FXYD7: variants seen among roughly 807,000 people sequenced by gnomAD.
FXYD7 encodes the protein FXYD domain-containing ion transport regulator 7.
In FXYD7, 7 loss-of-function variants were observed where a neutral mutation model predicts 15.3. That is an observed-to-expected ratio of 0.46 (90% CI 0.26 to 0.86). The LOEUF (loss-of-function observed/expected upper bound fraction) is 0.86. Among genes scored for constraint, FXYD7 ranks in the 40% least tolerant of loss-of-function variants. FXYD7 has a pLI of 0.16. For missense variants in FXYD7, 78 were observed against 100.6 expected (o/e 0.78, Z 0.96); for synonymous variants, 39 against 39.3 (o/e 0.99, Z 0.03).
intron 2 of FXYD7, among the ~76,000 whole-genome samples, chr19:35,150,392 C>T (rs189478682): frequency 1.6e-4 from 24 of 151,772 alleles, no homozygotes; most frequent in Non-Finnish European, 2.9e-4. Context: ...AGTGACACTA[C>T]ATCTCTTAAA....
rs769797236 is a variant in FXYD7, at chr19:35,148,713, A to G, written c.51A>G (p.Pro17=). 9 of 1,587,302 alleles carry G rather than the reference A, an allele frequency of 5.7e-6. No individual in the cohort carries two copies. The East Asian group carries it at 2.0e-4, about 36-fold the overall frequency. Residue 17 remains proline (P), a synonymous_variant, in exon 2 of 6, where the codon CCA becomes CCG. Coordinates refer to ENST00000270310, the MANE Select transcript of FXYD7 (RefSeq NM_022006.2). ...TPTKAPEEPD[P]FYYDYNTVQT... ...CCTCAGCTCCTGAGGAACCTGACCC[A>G]TTTTACTATGGTGAGTGTTGGATTT...
intron 1 of FXYD7, among the ~76,000 whole-genome samples, chr19:35,147,802 C>T (rs897645829): frequency 1.3e-4 from 20 of 151,656 alleles, no homozygotes; most frequent in Admixed American, 1.2e-3. Context: ...GAGACCAGCC[C>T]AGCCAACATG....
chr19:35,145,551 A>T (rs192148941), intron 1 of FXYD7, among the ~76,000 whole-genome samples: 1 of 152,286 alleles, frequency 6.6e-6, no homozygotes, highest in Non-Finnish European at 1.5e-5. Context: ...TCCTTCATTC[A>T]TTCATCCCAG....
intron 1 of FXYD7, among the ~76,000 whole-genome samples, chr19:35,144,672 G>A (rs1192157233): frequency 6.8e-6 from 1 of 148,016 alleles, no homozygotes; most frequent in African/African-American, 2.5e-5. Context: ...GAGGCTGGAA[G>A]CTACCCTAGG....
At chr19:35,150,480 G>A (rs2065305808) in intron 2 of FXYD7, among the ~76,000 whole-genome samples, 1 of 152,194 alleles carries the variant, frequency 6.6e-6, no homozygotes, top group African/African-American at 2.4e-5. Context: ...AAGGGAATGA[G>A]ATTGGAAAGT....
At chr19:35,146,295 C>T (rs1048889254) in intron 1 of FXYD7, among the ~76,000 whole-genome samples, 4 of 152,190 alleles carry the variant, frequency 2.6e-5, no homozygotes, top group Admixed American at 6.5e-5. Flanking sequence ...CACACCACCA[C>T]ACCCAGCTAA....
At chr19:35,144,057 G>A (rs932070063) in intron 1 of FXYD7, among the ~76,000 whole-genome samples, 26 of 149,218 alleles carry the variant, frequency 1.7e-4, no homozygotes, top group East Asian at 5.9e-4. Flanking sequence ...GAGAGAGAGA[G>A]AAAAAAAAAT....
intron 1 of FXYD7, among the ~76,000 whole-genome samples, chr19:35,148,067 GAA>G (rs781690968): frequency 2.2e-4 from 26 of 118,486 alleles, no homozygotes; most frequent in Non-Finnish European, 3.9e-4. Flanking sequence ...AAGAAAGAAA[GAA>G]AGAAAGAAAG....
chr19:35,150,219 T>C (rs1780768447), intron 2 of FXYD7, among the ~76,000 whole-genome samples: 2 of 152,152 alleles, frequency 1.3e-5, no homozygotes, highest in Non-Finnish European at 1.5e-5. Context: ...TGAGCCACTG[T>C]GCCCAGCTCT....
Position 35,153,998 on chromosome 19 carries a change from C to T in FXYD7, c.*82C>T, listed in dbSNP as rs891141844. 155 of 1,407,608 alleles carry T rather than the reference C, an allele frequency of 1.1e-4. No homozygotes were observed. Among genetic ancestry groups the T allele is most frequent in the Non-Finnish European group, 1.5e-4 (148 of 1,006,564 alleles). 87.2% of individuals were successfully genotyped at this position (1,407,608 alleles called of 1,614,324 possible). Reference sequence around the variant, plus strand: ...CGGGTGGAGGCGGTGGGGACCCAGCCGCGCGCCGGGAGCGCTCCCCGGAAT... The same window carrying T: ...CGGGTGGAGGCGGTGGGGACCCAGCTGCGCGCCGGGAGCGCTCCCCGGAAT... On this transcript the variant is annotated 3_prime_UTR_variant, in exon 6 of 6. Coordinates refer to ENST00000270310, the MANE Select transcript of FXYD7 (RefSeq NM_022006.2).
In FXYD7 at chr19:35,154,053, C is replaced by A. The variant is rs1210944939; in HGVS notation, c.*137C>A. On this transcript the variant is annotated 3_prime_UTR_variant, in exon 6 of 6. Coordinates refer to ENST00000270310, the MANE Select transcript of FXYD7 (RefSeq NM_022006.2). ...CGCCCCACCCACCCCAAGGCTGGAG[C>A]CGCTGCACCCTGCTGTCCCTCTCCA... 2.0e-5 allele frequency: 15 copies of A among 732,498 alleles called. No homozygotes were observed. The allele number at this position is 732,498 out of a possible 1,614,324, so 45.4% of individuals were successfully genotyped here.
Position 35,154,284 on chromosome 19 carries a change from C to G in FXYD7, c.*368C>G. On this transcript the variant is annotated 3_prime_UTR_variant, in exon 6 of 6. Transcript: ENST00000270310. ...CCATGTCTTGAGCTTAATAAATGTG[C>G]ATTTGGTTTTTTCCTCTGTTCTGTC... is the stretch of plus-strand genomic sequence containing the variant. 1 of 344,304 alleles carries G rather than the reference C, an allele frequency of 2.9e-6. No individual in the cohort carries two copies. Among genetic ancestry groups the G allele is most frequent in the South Asian group, 4.2e-5 (1 of 23,678 alleles). 21.3% of individuals were successfully genotyped at this position (344,304 alleles called of 1,614,324 possible).
chr19:35,145,181 G>A lies in FXYD7; in HGVS notation c.31+1817G>A, dbSNP rs551112795. On this transcript the variant is annotated intron_variant, in intron 1 of 5. Transcript: ENST00000270310. ...CCTCACAGGGGACCCCACCCAGCCT[G>A]GGGTGGCGGGACCTATCACCTCTCT... Among the ~76,000 whole-genome samples, 17 of 152,266 alleles carry A rather than the reference G, an allele frequency of 1.1e-4. No homozygotes were observed. The East Asian group carries it at 3.3e-3, about 29-fold the overall frequency.
At chr19:35,145,330 G>A (rs977657855) in intron 1 of FXYD7, among the ~76,000 whole-genome samples, 2 of 152,202 alleles carry the variant, frequency 1.3e-5, no homozygotes, top group African/African-American at 4.8e-5. Context: ...GCCCAGCCAC[G>A]CCTGAGGGCC....
At chr19:35,144,097 C>G (rs747139839) in intron 1 of FXYD7, among the ~76,000 whole-genome samples, 1 of 151,760 alleles carries the variant, frequency 6.6e-6, no homozygotes, top group African/African-American at 2.4e-5. Flanking sequence ...GGATTGAGAC[C>G]GCTATGGAGA....
intron 5 of FXYD7, 107 bp downstream of exon 5, chr19:35,151,780 G>T (rs973934684): frequency 3.8e-6 from 3 of 781,824 alleles, no homozygotes; most frequent in African/African-American, 3.4e-5. Context: ...GGGCGGAGGG[G>T]GGGTGGTGCC....
At position 35,143,415 on chromosome 19, in the gene FXYD7, C is replaced by T. The variant is rs1246391827; in HGVS notation, c.31+51C>T. On this transcript the variant is annotated intron_variant, in intron 1 of 5. Coordinates refer to ENST00000270310, the MANE Select transcript of FXYD7 (RefSeq NM_022006.2). The surrounding 1 kb of genome is among the most constrained non-coding windows in gnomAD (Gnocchi z 4.3). ...GCAGGGGGGCTCCGGGATCTGAGAG[C>T]CTAGGAGAGAGGGTGTCGGGAGATT... The T allele has an allele frequency of 5.9e-6, 8 of 1,361,394 alleles. No individual in the cohort carries two copies. The highest frequency in any genetic ancestry group is 7.9e-6 in the Non-Finnish European group (8 of 1,017,044). 84.3% of individuals were successfully genotyped at this position (1,361,394 alleles called of 1,614,324 possible). A position where few individuals can be genotyped will look rare whatever the true frequency, so the allele number is the denominator to read the frequency against.
intron 1 of FXYD7, among the ~76,000 whole-genome samples, chr19:35,148,093 A>AAGAAAGAAAGAG (rs1555737010): frequency 8.0e-5 from 10 of 124,894 alleles, no homozygotes; most frequent in African/African-American, 1.2e-4. Context: ...GAAAGAAAGA[A>AAGAAAGAAAGAG]AGAGAGAGAG....
At position 35,151,464 on chromosome 19, in the gene FXYD7, C is replaced by T. The variant is rs138712887; in HGVS notation, c.161C>T (p.Ala54Val). 2.0e-4 allele frequency: 328 copies of T among 1,614,144 alleles called. 2 individuals are homozygous for T. Among genetic ancestry groups the T allele is most frequent in the Middle Eastern group, 6.6e-4 (4 of 6,062 alleles). Residue 54 changes from alanine to valine, a missense_variant, in exon 4 of 6, where the codon GCG (alanine) becomes GTG (valine). Coordinates refer to ENST00000270310, the MANE Select transcript of FXYD7 (RefSeq NM_022006.2). ...VISKKVKCRK[A>V]DSRSESPTCK... ...GGCAAGAAGGTGAAGTGCAGGAAGG[C>T]GGACTCCAGGTCTGAGAGGTCTGGC...
Sources: allele counts gnomAD v4.1 joint callset (sites outside exome capture counted in the v4.1 genomes callset), GRCh38; gene constraint gnomAD v4.1.1; non-coding constraint Gnocchi (gnomAD v3.1); transcripts MANE v1.5; gene names NCBI Gene and HGNC (gene_info 2026-07-23, HGNC 2026-07-21).